WDFY1: variants seen among roughly 807,000 people sequenced by gnomAD.
The protein encoded by WDFY1 is WD repeat and FYVE domain containing 1, also known as WD repeat and FYVE domain-containing protein 1.
A neutral mutation model predicts 56.4 loss-of-function variants in WDFY1; 32 were observed. That is an observed-to-expected ratio of 0.57 (90% CI 0.43 to 0.76). The LOEUF is 0.76. Ranked by LOEUF, WDFY1 falls within the 30% of genes least tolerant of loss-of-function variation. The probability of loss-of-function intolerance (pLI) is 0.00; values close to 1 mark genes in which losing one functional copy is unlikely to be tolerated. For missense variants in WDFY1, 480 were observed against 545.7 expected (o/e 0.88, Z 1.20); for synonymous variants, 192 against 197.3 (o/e 0.97, Z 0.23).
At chr2:223,895,004 C>T (rs1693340240) in intron 7 of WDFY1, among the ~76,000 whole-genome samples, 1 of 152,174 alleles carries the variant, frequency 6.6e-6, no homozygotes, top group African/African-American at 2.4e-5. Flanking sequence ...GGGCAAGATC[C>T]TAAATATACA....
intron 11 of WDFY1, among the ~76,000 whole-genome samples, chr2:223,879,145 C>T (rs1693022759): frequency 6.6e-6 from 1 of 152,206 alleles, no homozygotes. Context: ...CGAGGTCACA[C>T]CACTACACTA....
chr2:223,884,091 C>T (rs1693129196), intron 9 of WDFY1, among the ~76,000 whole-genome samples: 1 of 148,286 alleles, frequency 6.7e-6, no homozygotes, highest in South Asian at 2.1e-4. Flanking sequence ...AATCCTTTAA[C>T]AGCACCTTTA....
chr2:223,935,909 G>GAGGA (rs1298925775), intron 1 of WDFY1, among the ~76,000 whole-genome samples: 2 of 152,116 alleles, frequency 1.3e-5, no homozygotes, highest in African/African-American at 4.8e-5. Context: ...CCTGGTGAGG[G>GAGGA]AGGCAAAGGC....
Position 223,898,971 on chromosome 2 carries a change from G to A in WDFY1, c.585C>T (p.Leu195=). The A allele has an allele frequency of 1.2e-6, 2 of 1,614,020 alleles. No homozygotes were observed. The highest frequency in any genetic ancestry group is 1.7e-6 in the Non-Finnish European group (2 of 1,179,926). Residue 195 remains leucine, a synonymous_variant, in exon 6 of 12, where the codon CTC becomes CTT. Transcript: ENST00000233055. ...EQNTCSVITT[L]KGHEGSVACL... ...AATATAGCCTACCTTCATGTCCTTT[G>A]AGGGTTGTGATGACTGAACACGTGT...
At position 223,912,295 on chromosome 2, in the gene WDFY1, G is replaced by A; in HGVS notation, c.237C>T (p.Asp79=). The A allele has an allele frequency of 6.2e-7, 1 of 1,611,038 alleles. No individual in the cohort carries two copies. Among genetic ancestry groups the A allele is most frequent in the Non-Finnish European group, 8.5e-7 (1 of 1,179,158 alleles). ...SPCSAMAYHH[D]SRRIFVGQDN... ...CCTGGCCCACAAATATCCGTCTGCT[G>A]TCATGATGGTAAGCCATAGCAGAGC... Residue 79 remains aspartate, a synonymous_variant, in exon 3 of 12, where the codon GAC becomes GAT. Coordinates refer to ENST00000233055, the MANE Select transcript of WDFY1 (RefSeq NM_020830.5).
At chr2:223,931,443 A>G (rs1694070378) in intron 1 of WDFY1, among the ~76,000 whole-genome samples, 1 of 152,238 alleles carries the variant, frequency 6.6e-6, no homozygotes, top group Non-Finnish European at 1.5e-5. Flanking sequence ...GCTGAAAGAT[A>G]TGCCTGATGA....
At chr2:223,939,521 T>C (rs1409987773) in intron 1 of WDFY1, among the ~76,000 whole-genome samples, 1 of 152,200 alleles carries the variant, frequency 6.6e-6, no homozygotes, top group Non-Finnish European at 1.5e-5. Flanking sequence ...TGAGATTCAA[T>C]GGACTCACAG....
chr2:223,890,198 G>A (rs1033872648), intron 8 of WDFY1, among the ~76,000 whole-genome samples: 120 of 152,258 alleles, frequency 7.9e-4, no homozygotes, highest in African/African-American at 2.8e-3. Flanking sequence ...TTGGCTGGGC[G>A]CAGTTGCTCA....
At chr2:223,921,665 A>G (rs564638) in intron 1 of WDFY1, among the ~76,000 whole-genome samples, 131,273 of 151,766 alleles carry the variant, frequency 0.86, 57,238 homozygotes, top group Non-Finnish European at 0.93. Flanking sequence ...ATCACAGCTC[A>G]CTGAAGCCTC....
intron 11 of WDFY1, among the ~76,000 whole-genome samples, chr2:223,879,258 C>A (rs1055703717): frequency 1.3e-5 from 2 of 152,116 alleles, no homozygotes; most frequent in African/African-American, 4.8e-5. Flanking sequence ...TAGGTAGTGT[C>A]TTTACACATA....
At chr2:223,935,343 TG>T (rs1694151873) in intron 1 of WDFY1, among the ~76,000 whole-genome samples, 1 of 152,214 alleles carries the variant, frequency 6.6e-6, no homozygotes, top group African/African-American at 2.4e-5. Flanking sequence ...GGAAGTGTTT[TG>T]AGCAAAGTAG....
rs190701289 is a variant in WDFY1 at position 223,884,106 on chromosome 2, C to T, written c.933+542G>A. On this transcript the variant is annotated intron_variant, in intron 9 of 11. Transcript: ENST00000233055. The stretch of plus-strand genomic sequence containing the variant: ...AATCCTTTAACAGCACCTTTAAAAT[C>T]TACAGGCTATTTGGAACATATTTCT... 4.5e-4 allele frequency among the ~76,000 whole-genome samples: 66 copies of T among 147,768 alleles called. 2 individuals carry two copies. Among genetic ancestry groups the T allele is most frequent in the Admixed American group, 1.4e-3 (20 of 14,778 alleles).
At chr2:223,933,090 T>C (rs1694106731) in intron 1 of WDFY1, among the ~76,000 whole-genome samples, 1 of 152,170 alleles carries the variant, frequency 6.6e-6, no homozygotes, top group Admixed American at 6.5e-5. Flanking sequence ...TAGATTGTTA[T>C]TGAATTTATT....
intron 2 of WDFY1, among the ~76,000 whole-genome samples, chr2:223,914,191 T>C (rs1184037245): frequency 6.6e-6 from 1 of 151,942 alleles, no homozygotes; most frequent in East Asian, 1.9e-4. Flanking sequence ...TAGACAGGGT[T>C]TCACCATGTT....
chr2:223,923,769 A>AAT (rs1693930602), intron 1 of WDFY1, among the ~76,000 whole-genome samples: 2 of 152,114 alleles, frequency 1.3e-5, no homozygotes, highest in African/African-American at 4.8e-5. Flanking sequence ...TCAAAAAAAA[A>AAT]AAATAAATAA....
intron 2 of WDFY1, among the ~76,000 whole-genome samples, chr2:223,913,209 T>C (rs1311929163): frequency 1.7e-5 from 2 of 119,362 alleles, no homozygotes; most frequent in Non-Finnish European, 3.2e-5. Context: ...TGAAACTCCA[T>C]CTCAAAAAAA....
intron 1 of WDFY1, among the ~76,000 whole-genome samples, chr2:223,926,646 A>ATGTGTGTGTGTGTGTG (rs61402571): frequency 6.9e-6 from 1 of 145,046 alleles, no homozygotes; most frequent in African/African-American, 2.8e-5. Flanking sequence ...ATATACAAAT[A>ATGTGTGTGTGTGTGTG]TGTGCGTGTG....
intron 1 of WDFY1, among the ~76,000 whole-genome samples, chr2:223,925,853 T>C (rs139194662): frequency 3.2e-4 from 48 of 152,320 alleles, no homozygotes; most frequent in African/African-American, 1.0e-3. Flanking sequence ...CTTTAAACAT[T>C]CAGCTTTTAT....
At chr2:223,928,462 T>TA (rs1303283354) in intron 1 of WDFY1, among the ~76,000 whole-genome samples, 1 of 152,044 alleles carries the variant, frequency 6.6e-6, no homozygotes, top group African/African-American at 2.4e-5. Flanking sequence ...AGAGAAAAGA[T>TA]ACGGAGGCTG....
Sources: gnomAD v4.1 joint callset for allele counts (sites outside exome capture counted in the v4.1 genomes callset) on GRCh38, gnomAD v4.1.1 for gene constraint, MANE v1.5 for transcripts, NCBI Gene and HGNC (gene_info 2026-07-23, HGNC 2026-07-21) for gene names.